The following POGZ variants were observed in gnomAD, a reference collection of about 807,000 sequenced individuals.
The protein encoded by POGZ is pogo transposable element with ZNF domain.
In POGZ, 17 loss-of-function variants were observed where a neutral mutation model predicts 134.6. The observed-to-expected ratio is 0.13, with a 90% CI of 0.09 to 0.19. The LOEUF (loss-of-function observed/expected upper bound fraction) is 0.19. POGZ is among the 10% of genes least tolerant of loss of function. POGZ has a pLI of 1.00. For synonymous variants in POGZ, 693 were observed against 657.1 expected (o/e 1.05, Z -0.84); for missense variants, 1,306 against 1,769.7 (o/e 0.74, Z 4.70).
rs1461123051 is a variant in POGZ, at chr1:151,405,081, T to C, written c.3954A>G (p.Leu1318=). The C allele has an allele frequency of 2.5e-6, 4 of 1,614,058 alleles. No individual in the cohort carries two copies. In the African/African-American group the frequency reaches 4.0e-5, roughly 16 times the overall value. The change falls in exon 19 of 19, where the codon CTA becomes CTG. Residue 1318 remains leucine, a synonymous_variant. Coordinates refer to ENST00000271715, the MANE Select transcript of POGZ (RefSeq NM_015100.4). This position sits in a 1 kb window ranked among gnomAD's most constrained non-coding sequence, Gnocchi z 4.9. ...TAGCCACCAGGAAGGAGCGCTGAAC[T>C]AGCTCTGGACAGTCCCCAATGACAC... is the stretch of plus-strand genomic sequence containing the variant. ...VLGVIGDCPE[L]VQRSFLVASV...
intron 1 of POGZ, among the ~76,000 whole-genome samples, chr1:151,458,350 G>C (rs908458053): frequency 6.6e-6 from 1 of 152,000 alleles, no homozygotes; most frequent in Non-Finnish European, 1.5e-5. Context: ...AAGATTCCCC[G>C]CCTCATTCCA....
intron 1 of POGZ, 122 bp from the exon 2 acceptor site, chr1:151,442,327 T>C: frequency 3.2e-6 from 2 of 628,356 alleles, no homozygotes; most frequent in South Asian, 2.7e-5. Flanking sequence ...CTTTATCATA[T>C]CCTCTAGCCT....
chr1:151,406,513 G>A, intron 18 of POGZ, 49 bp from the exon 19 acceptor site: 1 of 1,554,800 alleles, frequency 6.4e-7, no homozygotes, highest in South Asian at 1.2e-5. Context: ...AGTTCAACTA[G>A]GAAATTGAAA....
At chr1:151,423,834 C>A (rs1657343043) in intron 9 of POGZ, 115 bp downstream of exon 9, 1 of 781,972 alleles carries the variant, frequency 1.3e-6, no homozygotes, top group Middle Eastern at 3.8e-4. Context: ...AATGATAACC[C>A]CAGCAAGACT....
In POGZ at chr1:151,406,360, G is replaced by A. The variant is rs1557868031; in HGVS notation, c.2675C>T (p.Ala892Val). ...TAGCTCTTCAGGCTCAGCTGGGGTGGCCCCCGCAGATTTCACAGTGGCAGC... is the reference window on the plus strand; with the variant it reads ...TAGCTCTTCAGGCTCAGCTGGGGTGACCCCCGCAGATTTCACAGTGGCAGC... ...NKAATVKSAG[A>V]TPAEPEELLT... The change falls in exon 19 of 19, where the codon GCC becomes GTC. Residue 892 changes from alanine (A) to valine (V), a missense_variant. By Grantham distance (64) the Ala-to-Val change is moderately conservative (BLOSUM62 0). Transcript: ENST00000271715. 8.2e-6 allele frequency: 13 copies of A among 1,593,946 alleles called. No homozygotes were observed. Among genetic ancestry groups the A allele is most frequent in the Non-Finnish European group, 1.0e-5 (12 of 1,170,732 alleles).
intron 1 of POGZ, among the ~76,000 whole-genome samples, chr1:151,456,378 G>C (rs1429810105): frequency 6.6e-6 from 1 of 152,090 alleles, no homozygotes; most frequent in Non-Finnish European, 1.5e-5. Flanking sequence ...TTTATCACTG[G>C]TAATAAATAC....
Position 151,406,025 on chromosome 1 carries a change from G to A in POGZ, c.3010C>T (p.Arg1004Cys), listed in dbSNP as rs369102240. 25 of 1,614,222 alleles carry A rather than the reference G, an allele frequency of 1.5e-5. No homozygotes were observed. Among genetic ancestry groups the A allele is most frequent in the South Asian group, 3.3e-5 (3 of 91,084 alleles). Residue 1004 changes from arginine to cysteine, a missense_variant, in exon 19 of 19, where the codon CGC becomes TGC. Around this residue, in one of 10 missense-constraint regions of POGZ, gnomAD observed 214 missense variants for 255.5 expected, o/e 0.84. Transcript: ENST00000271715. ...EHFRNPQRRI[R>C]RWLRRFQASQ... Reference sequence around the variant, plus strand: ...GCCTGGAAACGTCGAAGCCAACGGCGAATACGTCGCTGGGGATTTCGGAAG... The same window carrying A: ...GCCTGGAAACGTCGAAGCCAACGGCAAATACGTCGCTGGGGATTTCGGAAG...
chr1:151,441,574 T>C (rs1291691541), intron 2 of POGZ, among the ~76,000 whole-genome samples: 5 of 152,200 alleles, frequency 3.3e-5, no homozygotes, highest in African/African-American at 7.2e-5. Context: ...CAGGGCAATC[T>C]AGAATTTGAC....
At chr1:151,446,274 A>AAAAAAAAAAAAG (rs139456031) in intron 1 of POGZ, among the ~76,000 whole-genome samples, 1 of 126,184 alleles carries the variant, frequency 7.9e-6, no homozygotes, top group Admixed American at 8.2e-5. Flanking sequence ...AAAAAAAAAA[A>AAAAAAAAAAAAG]CGAATTTTAT....
chr1:151,447,507 A>G (rs902629671), intron 1 of POGZ, among the ~76,000 whole-genome samples: 4 of 151,744 alleles, frequency 2.6e-5, no homozygotes, highest in African/African-American at 9.7e-5. Context: ...GCTGGAGTAC[A>G]GTGGCACAAT....
At chr1:151,436,724 A>G (rs942215115) in intron 3 of POGZ, among the ~76,000 whole-genome samples, 2 of 152,208 alleles carry the variant, frequency 1.3e-5, no homozygotes, top group Non-Finnish European at 2.9e-5. Context: ...TTGTGTACAT[A>G]TATTACATTT....
intron 3 of POGZ, among the ~76,000 whole-genome samples, chr1:151,437,218 A>C (rs1024734197): frequency 6.6e-6 from 1 of 151,008 alleles, no homozygotes; most frequent in Admixed American, 6.6e-5. Flanking sequence ...AAAAAAAAAA[A>C]GTAATACATG....
intron 3 of POGZ, among the ~76,000 whole-genome samples, chr1:151,432,038 G>A (rs192947956): frequency 2.2e-4 from 34 of 152,164 alleles, no homozygotes; most frequent in African/African-American, 8.0e-4. Flanking sequence ...GCATGGTGGC[G>A]CATCCCTGTA....
intron 1 of POGZ, among the ~76,000 whole-genome samples, chr1:151,443,267 C>A (rs182678593): frequency 6.6e-6 from 1 of 152,270 alleles, no homozygotes; most frequent in African/African-American, 2.4e-5. Flanking sequence ...AAGATGAGAA[C>A]CTTACTTGTC....
chr1:151,417,707 C>T (rs1388441572), intron 10 of POGZ, among the ~76,000 whole-genome samples: 3 of 150,318 alleles, frequency 2.0e-5, no homozygotes, highest in African/African-American at 7.4e-5. Context: ...CACACACACA[C>T]ACACACACAC....
intron 7 of POGZ, 95 bp from the exon 8 acceptor site, chr1:151,425,156 T>C: frequency 1.5e-6 from 1 of 687,378 alleles, no homozygotes; most frequent in Non-Finnish European, 2.7e-6. Context: ...CCCTGAGAAG[T>C]ATATAAAAGG....
At chr1:151,418,399 T>C (rs761362665) in intron 10 of POGZ, among the ~76,000 whole-genome samples, 2 of 151,688 alleles carry the variant, frequency 1.3e-5, no homozygotes, top group African/African-American at 2.4e-5. Context: ...GTAGATCTCA[T>C]GGAGAGAGAG....
intron 10 of POGZ, among the ~76,000 whole-genome samples, chr1:151,413,422 C>T (rs548368667): frequency 4.6e-5 from 7 of 152,004 alleles, no homozygotes; most frequent in South Asian, 4.2e-4. Context: ...GCCAGTGCAC[C>T]GGCCAATTTT....
At chr1:151,415,670 C>CAAAA (rs749459920) in intron 10 of POGZ, among the ~76,000 whole-genome samples, 4 of 54,232 alleles carry the variant, frequency 7.4e-5, no homozygotes, top group South Asian at 6.5e-4. Context: ...GACTCCGTCT[C>CAAAA]AAAAAAAAAA....
Sources: gnomAD v4.1 joint callset for allele counts (sites outside exome capture counted in the v4.1 genomes callset) on GRCh38, gnomAD v4.1.1 for gene constraint, gnomAD v4.1.1 regional missense constraint, Gnocchi (gnomAD v3.1) non-coding constraint, MANE v1.5 for transcripts, NCBI Gene and HGNC (gene_info 2026-07-23, HGNC 2026-07-21) for gene names.